SHOC2: variants seen among roughly 807,000 people sequenced by gnomAD.
SHOC2 encodes the protein SHOC2 leucine rich repeat scaffold protein.
SHOC2 carries 4 observed loss-of-function variants against 50.2 expected under a neutral mutation model. The ratio of observed to expected loss-of-function variants is 0.08; its 90% CI spans 0.04 to 0.18. The LOEUF (loss-of-function observed/expected upper bound fraction) is 0.18. SHOC2 is among the 10% of genes least tolerant of loss of function. The pLI is 1.00. For synonymous variants in SHOC2, 218 were observed against 244.5 expected (o/e 0.89, Z 1.01); for missense variants, 388 against 669.6 (o/e 0.58, Z 4.64).
At chr10:110,920,290 T>C (rs1307538186) in intron 1 of SHOC2, 1 of 152,810 alleles carries the variant, frequency 6.5e-6, no homozygotes, top group East Asian at 1.9e-4. Flanking sequence ...GACCGCCTCG[T>C]AGAACATGCC....
At chr10:110,926,112 C>G (rs538956507) in intron 1 of SHOC2, among the ~76,000 whole-genome samples, 1 of 152,254 alleles carries the variant, frequency 6.6e-6, no homozygotes, top group East Asian at 1.9e-4. Flanking sequence ...GGAGACCTTC[C>G]TTTCATCCCT....
chr10:111,007,391 T>C, intron 5 of SHOC2, 140 bp from the exon 6 acceptor site: 1 of 957,600 alleles, frequency 1.0e-6, no homozygotes, highest in Non-Finnish European at 1.5e-6. Context: ...CTGTTGCTGA[T>C]TTTTTTTCTT....
At chr10:110,994,975 A>G (rs1405127569) in intron 3 of SHOC2, among the ~76,000 whole-genome samples, 1 of 152,226 alleles carries the variant, frequency 6.6e-6, no homozygotes, top group Non-Finnish European at 1.5e-5. Context: ...CCAGATGAAC[A>G]TATATATTTT....
Position 110,919,650 on chromosome 10 carries a change from T to G in SHOC2, c.-242T>G, listed in dbSNP as rs912121117. 2.5e-6 allele frequency: 1 copy of G among 398,384 alleles called. No homozygotes were observed. Among genetic ancestry groups the G allele is most frequent in the Non-Finnish European group, 4.4e-6 (1 of 226,158 alleles). The allele number at this position is 398,384 out of a possible 1,614,324, so 24.7% of individuals were successfully genotyped here. Reference sequence around the variant, plus strand: ...GCGAGGAGGATGGCGGAGTCGGGGCTCCTGACGGTAACTCGGGGCCGATGA... The same window carrying G: ...GCGAGGAGGATGGCGGAGTCGGGGCGCCTGACGGTAACTCGGGGCCGATGA... On this transcript the variant is annotated 5_prime_UTR_variant, in exon 1 of 9. Transcript: ENST00000369452.
chr10:110,975,771 TCTG>T (rs962292294), intron 2 of SHOC2, among the ~76,000 whole-genome samples: 2 of 152,238 alleles, frequency 1.3e-5, no homozygotes, highest in African/African-American at 4.8e-5. Flanking sequence ...CTCCACAGCT[TCTG>T]CTGTGCTTCT....
chr10:110,982,370 C>T (rs1294689652), intron 2 of SHOC2, among the ~76,000 whole-genome samples: 1 of 151,734 alleles, frequency 6.6e-6, no homozygotes, highest in African/African-American at 2.4e-5. Context: ...GGTATATACC[C>T]AGTAACGGGA....
At chr10:110,943,342 A>G (rs1847187320) in intron 1 of SHOC2, among the ~76,000 whole-genome samples, 2 of 149,772 alleles carry the variant, frequency 1.3e-5, no homozygotes, top group South Asian at 2.1e-4. Context: ...TCCTGCTCAT[A>G]TCTGCTGTTG....
chr10:110,933,001 C>T (rs916921968), intron 1 of SHOC2, among the ~76,000 whole-genome samples: 8 of 152,102 alleles, frequency 5.3e-5, no homozygotes, highest in Non-Finnish European at 7.4e-5. Flanking sequence ...CTTCTGAATG[C>T]CACTTGTAAA....
chr10:110,981,876 T>TTATTATACTC (rs60310332), intron 2 of SHOC2, among the ~76,000 whole-genome samples: 43,726 of 135,298 alleles, frequency 0.32, 8,604 homozygotes, highest in African/African-American at 0.55. Flanking sequence ...ATTTATTTTT[T>TTATTATACTC]TAAGTTTTAG....
chr10:110,920,114 G>T (rs1287747963), intron 1 of SHOC2: 1 of 151,536 alleles, frequency 6.6e-6, no homozygotes, highest in African/African-American at 2.4e-5. Flanking sequence ...TAAATCGTTG[G>T]CGAGGGCCCG....
chr10:110,974,055 T>C (rs957687898), intron 2 of SHOC2, among the ~76,000 whole-genome samples: 1 of 152,054 alleles, frequency 6.6e-6, no homozygotes, highest in Non-Finnish European at 1.5e-5. Context: ...CTTATTACTT[T>C]GGGTTTAATA....
intron 4 of SHOC2, among the ~76,000 whole-genome samples, chr10:111,002,634 A>G (rs1431494474): frequency 6.6e-6 from 1 of 152,150 alleles, no homozygotes; most frequent in African/African-American, 2.4e-5. Flanking sequence ...GGCTTAAGAG[A>G]GGTTATATTT....
chr10:110,979,969 A>G (rs921759092), intron 2 of SHOC2, among the ~76,000 whole-genome samples: 1 of 152,202 alleles, frequency 6.6e-6, no homozygotes. Flanking sequence ...TAGTTTGCCC[A>G]AATTAAGAAC....
At chr10:110,963,422 T>G (rs989600404) in intron 1 of SHOC2, among the ~76,000 whole-genome samples, 4 of 152,218 alleles carry the variant, frequency 2.6e-5, no homozygotes, top group Non-Finnish European at 2.9e-5. Flanking sequence ...CAGAATCATG[T>G]AGAGTGCTTA....
At chr10:110,953,713 TACAC>T (rs1175377964) in intron 1 of SHOC2, among the ~76,000 whole-genome samples, 3 of 150,872 alleles carry the variant, frequency 2.0e-5, no homozygotes, top group African/African-American at 7.3e-5. Context: ...GATATATATA[TACAC>T]ACACACACAC....
chr10:111,009,577 G>A (rs1848531090), intron 7 of SHOC2, 136 bp from the exon 8 acceptor site: 1 of 786,566 alleles, frequency 1.3e-6, no homozygotes, highest in Non-Finnish European at 2.1e-6. Flanking sequence ...AGAAAAATAT[G>A]TAATGTAAGT....
At chr10:110,984,784 T>G (rs1365596034) in intron 2 of SHOC2, among the ~76,000 whole-genome samples, 2 of 152,224 alleles carry the variant, frequency 1.3e-5, no homozygotes, top group Non-Finnish European at 2.9e-5. Flanking sequence ...AGAGTCCTAG[T>G]AAATTGAGAA....
At chr10:110,937,747 A>AT (rs1425462295) in intron 1 of SHOC2, among the ~76,000 whole-genome samples, 6 of 152,230 alleles carry the variant, frequency 3.9e-5, no homozygotes, top group African/African-American at 1.2e-4. Context: ...TTTTGGATAA[A>AT]TTTGTTTTAT....
intron 2 of SHOC2, among the ~76,000 whole-genome samples, chr10:110,967,279 G>GT (rs1288902977): frequency 6.6e-6 from 1 of 152,154 alleles, no homozygotes; most frequent in Non-Finnish European, 1.5e-5. Flanking sequence ...AATTTGAAAT[G>GT]TAAGTCTTGG....
Sources: allele counts gnomAD v4.1 joint callset (sites outside exome capture counted in the v4.1 genomes callset), GRCh38; gene constraint gnomAD v4.1.1; transcripts MANE v1.5; gene names NCBI Gene and HGNC (gene_info 2026-07-23, HGNC 2026-07-21).